The following NTN5 variants were observed in gnomAD, a reference collection of about 807,000 sequenced individuals.
The protein encoded by NTN5 is netrin-5.
In NTN5, 42 loss-of-function variants were observed where a neutral mutation model predicts 38.7. That is an observed-to-expected ratio of 1.08 (90% CI 0.85 to 1.40). NTN5 has a LOEUF of 1.40. Ranked by LOEUF, NTN5 falls within the 40% of genes most tolerant of loss-of-function variation. NTN5 has a pLI of 0.00. For missense variants in NTN5, 658 were observed against 716.5 expected, an observed-to-expected ratio of 0.92 and a Z score of 0.93; for synonymous variants, 329 against 303.9, an observed-to-expected ratio of 1.08 and a Z score of -0.86.
chr19:48,669,771 A>G (rs2031874847), intron 2 of NTN5, among the ~76,000 whole-genome samples: 1 of 113,460 alleles, frequency 8.8e-6, no homozygotes, highest in Non-Finnish European at 1.8e-5. Flanking sequence ...CACCACTACC[A>G]TCACCATCAC....
chr19:48,663,660 C>G, intron 5 of NTN5, 101 bp downstream of exon 5: 7 of 1,512,122 alleles, frequency 4.6e-6, no homozygotes, highest in East Asian at 2.3e-5. Context: ...ACCTTTGGGA[C>G]TGGGCTCAAT....
At chr19:48,672,176 C>T (rs1022814593) in intron 1 of NTN5, among the ~76,000 whole-genome samples, 12 of 152,132 alleles carry the variant, frequency 7.9e-5, no homozygotes, top group African/African-American at 2.9e-4. Context: ...AGGAGAGAGG[C>T]AGGAAGGCAG....
chr19:48,661,710 C>G lies in NTN5; in HGVS notation c.1437G>C (p.Arg479=), dbSNP rs776479410. 1.3e-6 allele frequency: 2 copies of G among 1,557,068 alleles called. No individual in the cohort carries two copies. The highest frequency in any genetic ancestry group is 1.7e-6 in the Non-Finnish European group (2 of 1,161,364). Residue 479 remains arginine (R), a synonymous_variant, in exon 7 of 7, where the codon CGG becomes CGC. Coordinates refer to ENST00000270235, the MANE Select transcript of NTN5 (RefSeq NM_145807.4). ...EERAGGCRGV[R]APTPSPRPEH is the part of the protein sequence containing the mutation. ...CCGGCCTGGGACTGGGTGTGGGTGC[C>G]CGCACGCCGCGGCAGCCTCCGGCGC...
chr19:48,666,326 C>T (rs985895245), intron 2 of NTN5, among the ~76,000 whole-genome samples: 1 of 152,126 alleles, frequency 6.6e-6, no homozygotes, highest in African/African-American at 2.4e-5. Context: ...GGCTCTCAAA[C>T]CTTACTGCTC....
intron 5 of NTN5, 32 bp from the exon 6 acceptor site, chr19:48,663,575 C>G (rs2031607537): frequency 2.5e-6 from 4 of 1,602,030 alleles, no homozygotes; most frequent in Non-Finnish European, 2.6e-6. Context: ...GCAGTGGGCT[C>G]CTGGGGCCTA....
chr19:48,661,622 C>T lies in NTN5; in HGVS notation c.*55G>A. On this transcript the variant is annotated 3_prime_UTR_variant, in exon 7 of 7. Coordinates refer to ENST00000270235, the MANE Select transcript of NTN5 (RefSeq NM_145807.4). ...TGCACCGTCGAGGTAGAAGGCTCAG[C>T]TCCTAGTCGCTCCCAAATTACTTTG... The T allele has an allele frequency of 6.9e-7, 1 of 1,450,440 alleles. No homozygotes were observed. The highest frequency in any genetic ancestry group is 9.0e-7 in the Non-Finnish European group (1 of 1,107,928). The allele number at this position is 1,450,440 out of a possible 1,614,324, so 89.8% of individuals were successfully genotyped here.
chr19:48,670,582 G>T lies in NTN5; in HGVS notation c.405C>A (p.Ala135=). The T allele has an allele frequency of 6.4e-7, 1 of 1,571,658 alleles. No homozygotes were observed. The highest frequency in any genetic ancestry group is 1.2e-5 in the South Asian group (1 of 86,460). Residue 135 remains alanine (A), a synonymous_variant, in exon 2 of 7, where the codon GCC becomes GCA. Transcript: ENST00000270235. The part of the protein sequence containing the change: ...STPGPKATVA[A]SHLRVEFGGQ... ...CCCCAAACTCCACACGGAGGTGGCT[G>T]GCCGCCACAGTGGCCTTAGGACCTG...
Position 48,664,703 on chromosome 19 carries a change from G to T in NTN5, c.696C>A (p.Gly232=), listed in dbSNP as rs373772020. The change falls in exon 3 of 7, where the codon GGC becomes GGA. Residue 232 remains glycine (G), a synonymous_variant. Transcript: ENST00000270235. ...GCTCACAAACACCCCCACTCCGGCC[G>T]CCCGACAGTCTGAACAGCTCAGAGT... ...RFNSELFRLS[G]GRSGGVCERC... is the part of the protein sequence containing the mutation. 1.9e-6 allele frequency: 3 copies of T among 1,603,866 alleles called. No individual in the cohort carries two copies. The highest frequency in any genetic ancestry group is 2.6e-6 in the Non-Finnish European group (3 of 1,175,518).
Position 48,661,670 on chromosome 19 carries a change from C to T in NTN5, c.*7G>A, listed in dbSNP as rs773250607. ...TTGTTGGTGCTCGAGGCAGCCCCAT[C>T]TCACGTCTAGTGCTCCGGCCTGGGA... On this transcript the variant is annotated 3_prime_UTR_variant, in exon 7 of 7. Coordinates refer to ENST00000270235, the MANE Select transcript of NTN5 (RefSeq NM_145807.4). 339 of 1,535,016 alleles carry T rather than the reference C, an allele frequency of 2.2e-4. No homozygotes were observed. The highest frequency in any genetic ancestry group is 2.8e-4 in the Non-Finnish European group (327 of 1,152,300).
At position 48,673,015 on chromosome 19, in the gene NTN5, A is replaced by G; in HGVS notation, c.-104T>C. ...GTGGCGCGGTGGGCTCTCAGGAGGGAGTGGCGTGGCTGTTCTCAGGCCCCA... is the reference window on the plus strand; with the variant it reads ...GTGGCGCGGTGGGCTCTCAGGAGGGGGTGGCGTGGCTGTTCTCAGGCCCCA... On this transcript the variant is annotated 5_prime_UTR_variant, in exon 1 of 7. Coordinates refer to ENST00000270235, the MANE Select transcript of NTN5 (RefSeq NM_145807.4). The G allele has an allele frequency of 3.0e-6, 1 of 333,264 alleles. No individual in the cohort carries two copies. The highest frequency in any genetic ancestry group is 6.2e-6 in the Non-Finnish European group (1 of 161,434). The allele number at this position is 333,264 out of a possible 1,614,324, so 20.6% of individuals were successfully genotyped here.
At position 48,669,903 on chromosome 19, in the gene NTN5, TCAC is replaced by T. The variant is rs1243718159; in HGVS notation, c.631+450_631+452del. 2.2e-3 allele frequency among the ~76,000 whole-genome samples: 160 copies of T among 73,824 alleles called. 1 individual carries two copies. The highest frequency in any genetic ancestry group is 5.9e-3 in the African/African-American group (106 of 18,112). The allele number at this position is 73,824 out of a possible 152,430, so 48.4% of individuals were successfully genotyped here. A position where few individuals can be genotyped will look rare whatever the true frequency, so the allele number is the denominator to read the frequency against. Reference sequence around the variant, plus strand: ...ACTACCATCACCATCACCACCACCATCACCACCACCACCATCACCATCATCACC... The same window carrying T: ...ACTACCATCACCATCACCACCACCATCACCACCACCATCACCATCATCACC... On this transcript the variant is annotated intron_variant, in intron 2 of 6. Coordinates refer to ENST00000270235, the MANE Select transcript of NTN5 (RefSeq NM_145807.4).
At chr19:48,672,201 TG>T (rs1407161755) in intron 1 of NTN5, among the ~76,000 whole-genome samples, 1 of 151,888 alleles carries the variant, frequency 6.6e-6, no homozygotes, top group African/African-American at 2.4e-5. Flanking sequence ...TGGGACAGGG[TG>T]GGGTGCCAGA....
intron 1 of NTN5, among the ~76,000 whole-genome samples, chr19:48,671,680 G>T (rs939632543): frequency 9.9e-5 from 15 of 152,024 alleles, no homozygotes; most frequent in Admixed American, 5.9e-4. Flanking sequence ...TCTGGCGGGG[G>T]ATCAGAAGTG....
chr19:48,664,638 C>T lies in NTN5; in HGVS notation c.761G>A (p.Cys254Tyr). ...HHTAGRHCHY[C>Y]QPGFWRDPSQ... ...AGGGTCCCTCCAGAACCCAGGTTGG[C>T]AGTAGTGGCAGTGCCGCCCAGCTGT... is the stretch of plus-strand genomic sequence containing the variant. Residue 254 changes from cysteine to tyrosine, a missense_variant, in exon 3 of 7, where the codon TGC (cysteine) becomes TAC (tyrosine). By Grantham distance (194) the Cys-to-Tyr change is radical. Transcript: ENST00000270235. 1.9e-6 allele frequency: 3 copies of T among 1,613,560 alleles called. No individual in the cohort carries two copies. The highest frequency in any genetic ancestry group is 1.1e-5 in the South Asian group (1 of 91,010).
chr19:48,664,885 A>AGAAT (rs2031657887), intron 2 of NTN5, 118 bp from the exon 3 acceptor site: 1 of 801,718 alleles, frequency 1.2e-6, no homozygotes, highest in South Asian at 2.5e-5. Context: ...AAGGTAGAAG[A>AGAAT]GAATGCCTGG....
chr19:48,672,556 C>G (rs890523670), intron 1 of NTN5, among the ~76,000 whole-genome samples: 24 of 152,220 alleles, frequency 1.6e-4, no homozygotes, highest in Non-Finnish European at 3.4e-4. Flanking sequence ...TCCCAAGGAG[C>G]CTGGCGCCAT....
chr19:48,667,863 A>G (rs2031745147), intron 2 of NTN5, among the ~76,000 whole-genome samples: 1 of 152,084 alleles, frequency 6.6e-6, no homozygotes, highest in African/African-American at 2.4e-5. Flanking sequence ...CTCAAAAGAA[A>G]AAAAAAAGAA....
In NTN5 at chr19:48,672,911, AG is replaced by A. The variant is rs1601218127; in HGVS notation, c.-21+20del. 1 of 217,644 alleles carries A rather than the reference AG, an allele frequency of 4.6e-6. No homozygotes were observed. Among genetic ancestry groups the A allele is most frequent in the Non-Finnish European group, 9.7e-6 (1 of 102,710 alleles). 13.5% of individuals were successfully genotyped at this position (217,644 alleles called of 1,614,324 possible). A position where few individuals can be genotyped will look rare whatever the true frequency, so the allele number is the denominator to read the frequency against. On this transcript the variant is annotated intron_variant, in intron 1 of 6. Coordinates refer to ENST00000270235, the MANE Select transcript of NTN5 (RefSeq NM_145807.4). Reference sequence around the variant, plus strand: ...CATGCACCCCCCAACCCGAGCCCTGAGGCCCCGACATTGGCCAAACCTGCAC... The same window carrying A: ...CATGCACCCCCCAACCCGAGCCCTGAGCCCCGACATTGGCCAAACCTGCAC...
intron 6 of NTN5, chr19:48,663,059 AC>A: frequency 7.9e-6 from 3 of 380,790 alleles, no homozygotes; most frequent in South Asian, 2.0e-5. Context: ...GAACCGTGGG[AC>A]AAGTCTTTAT....
Sources: gnomAD v4.1 joint callset for allele counts (sites outside exome capture counted in the v4.1 genomes callset) on GRCh38, gnomAD v4.1.1 for gene constraint, MANE v1.5 for transcripts, NCBI Gene and HGNC (gene_info 2026-07-23, HGNC 2026-07-21) for gene names.